Variants in C10orf90 observed in about 807,000 individuals in gnomAD.
C10orf90 encodes chromosome 10 open reading frame 90.
In C10orf90, 56 loss-of-function variants were observed where a neutral mutation model predicts 62.5. The observed-to-expected ratio is 0.90, with a 90% CI of 0.72 to 1.12. The LOEUF (loss-of-function observed/expected upper bound fraction) is 1.12. Among genes scored for constraint, C10orf90 ranks in the 50% most tolerant of loss-of-function variants. The probability of loss-of-function intolerance (pLI) is 0.00; values close to 1 mark genes in which losing one functional copy is unlikely to be tolerated. For synonymous variants in C10orf90, 386 were observed against 340.4 expected, an observed-to-expected ratio of 1.13 and a Z score of -1.47; for missense variants, 970 against 880.4, an observed-to-expected ratio of 1.10 and a Z score of -1.29.
intron 4 of C10orf90, chr10:126,469,835 T>G (rs1860473289): frequency 2.2e-6 from 1 of 456,482 alleles, no homozygotes; most frequent in Non-Finnish European, 4.4e-6. Context: ...GGGTGTCTGT[T>G]GAACACCCAC....
chr10:126,572,345 G>A (rs187703587), intron 2 of C10orf90, among the ~76,000 whole-genome samples: 315 of 152,216 alleles, frequency 2.1e-3, no homozygotes, highest in Admixed American at 4.1e-3. Flanking sequence ...AATTTAGGGC[G>A]AGTCCACAGT....
rs1478642809 is a variant in C10orf90 at position 126,456,876 on chromosome 10, C to T, written c.2188+2164G>A. On this transcript the variant is annotated intron_variant, in intron 7 of 9. Transcript: ENST00000488181. The surrounding 1 kb of genome is among the most constrained non-coding windows in gnomAD (Gnocchi z 4.9). ...GGAGGGAGGCTGGACACGGGATTGA[C>T]CACTGAGCCTCTAGAAAGTAACCAA... Among the ~76,000 whole-genome samples the T allele has an allele frequency of 6.6e-6, 1 of 152,194 alleles. No individual in the cohort carries two copies. The highest frequency in any genetic ancestry group is 1.5e-5 in the Non-Finnish European group (1 of 68,040).
At chr10:126,584,329 C>T (rs1591120947) in intron 2 of C10orf90, among the ~76,000 whole-genome samples, 1 of 151,882 alleles carries the variant, frequency 6.6e-6, no homozygotes, top group South Asian at 2.1e-4. Flanking sequence ...TGCCTGTCTG[C>T]TTGTCCATCC....
intron 8 of C10orf90, among the ~76,000 whole-genome samples, chr10:126,428,192 T>G (rs907949392): frequency 6.6e-6 from 1 of 151,974 alleles, no homozygotes; most frequent in Admixed American, 6.6e-5. Flanking sequence ...CATAGCTATA[T>G]ATGCACAAAT....
intron 7 of C10orf90, among the ~76,000 whole-genome samples, chr10:126,445,142 C>T (rs987618602): frequency 2.6e-5 from 4 of 151,860 alleles, no homozygotes; most frequent in African/African-American, 9.7e-5. Context: ...CAAAAGCAAA[C>T]ACAATAAAAA....
At chr10:126,571,906 C>A (rs1033757795) in intron 2 of C10orf90, among the ~76,000 whole-genome samples, 2 of 152,234 alleles carry the variant, frequency 1.3e-5, no homozygotes, top group Admixed American at 1.3e-4. Flanking sequence ...GGCAGGACAC[C>A]CAGCACCTGG....
At chr10:126,518,954 T>G (rs928379092) in intron 2 of C10orf90, among the ~76,000 whole-genome samples, 6 of 152,198 alleles carry the variant, frequency 3.9e-5, no homozygotes, top group Non-Finnish European at 7.3e-5. Flanking sequence ...ATTTAGGCAG[T>G]GCTCAGGGTG....
intron 1 of C10orf90, among the ~76,000 whole-genome samples, chr10:126,654,542 T>C (rs1846354710): frequency 6.6e-6 from 1 of 152,230 alleles, no homozygotes; most frequent in Admixed American, 6.5e-5. Context: ...TGATCTGCTA[T>C]CCAGACCACT....
chr10:126,514,740 A>G (rs964605330), intron 2 of C10orf90, among the ~76,000 whole-genome samples: 5 of 152,164 alleles, frequency 3.3e-5, no homozygotes, highest in African/African-American at 1.2e-4. Context: ...ACACAGCCTT[A>G]CGCTACAGAC....
At chr10:126,576,680 T>A (rs1259887308) in intron 2 of C10orf90, among the ~76,000 whole-genome samples, 1 of 43,132 alleles carries the variant, frequency 2.3e-5, no homozygotes, top group African/African-American at 1.0e-4. Context: ...TATGTATACA[T>A]ATACATATAC....
At position 126,504,069 on chromosome 10, in the gene C10orf90, T is replaced by A. The variant is rs767797626; in HGVS notation, c.1422A>T (p.Gly474=). The A allele has an allele frequency of 5.0e-6, 8 of 1,613,982 alleles. No homozygotes were observed. Among genetic ancestry groups the A allele is most frequent in the South Asian group, 1.1e-5 (1 of 91,074 alleles). ...CTTTTCTTACAGTGACTTGGTTAGC[T>A]CCCACATTTGCCAATTCTGTGTTTT... ...PLENTELANV[G]ANQVTVRKGE... The change falls in exon 4 of 10, where the codon GGA becomes GGT. Residue 474 remains glycine (G), a synonymous_variant. Coordinates refer to ENST00000488181, the MANE Select transcript of C10orf90 (RefSeq NM_001350921.2). This position sits in a 1 kb window ranked among gnomAD's most constrained non-coding sequence, Gnocchi z 4.1.
intron 2 of C10orf90, among the ~76,000 whole-genome samples, chr10:126,530,102 A>G (rs1365054124): frequency 7.2e-5 from 11 of 152,186 alleles, no homozygotes; most frequent in Admixed American, 1.3e-4. Context: ...AATGGTGTCA[A>G]AAAAAGCCCC....
At chr10:126,508,680 G>A (rs371242050) in intron 3 of C10orf90, among the ~76,000 whole-genome samples, 4 of 152,306 alleles carry the variant, frequency 2.6e-5, no homozygotes, top group South Asian at 2.1e-4. Context: ...TGGGTCTAGC[G>A]TGGGCCGGGA....
chr10:126,469,157 G>T (rs991925536), intron 4 of C10orf90, among the ~76,000 whole-genome samples: 2 of 152,176 alleles, frequency 1.3e-5, no homozygotes, highest in East Asian at 3.9e-4. Context: ...CACACGAGCC[G>T]GGAGGGTACA....
At chr10:126,512,327 T>C (rs1651415418) in intron 3 of C10orf90, among the ~76,000 whole-genome samples, 1 of 145,704 alleles carries the variant, frequency 6.9e-6, no homozygotes, top group Admixed American at 6.8e-5. Flanking sequence ...GTGTGTGTTC[T>C]ATGTGTGTGT....
intron 7 of C10orf90, among the ~76,000 whole-genome samples, chr10:126,436,286 C>G (rs1273057842): frequency 1.3e-5 from 2 of 152,200 alleles, no homozygotes; most frequent in African/African-American, 2.4e-5. Flanking sequence ...CAAAGTGGTA[C>G]AGACTATTTT....
intron 2 of C10orf90, among the ~76,000 whole-genome samples, chr10:126,560,956 TC>T (rs1319479828): frequency 6.6e-6 from 1 of 152,204 alleles, no homozygotes; most frequent in Non-Finnish European, 1.5e-5. Context: ...GGGAACCTGA[TC>T]TTCTAGGACA....
At chr10:126,635,968 G>A (rs1170565745) in intron 2 of C10orf90, among the ~76,000 whole-genome samples, 2 of 152,162 alleles carry the variant, frequency 1.3e-5, no homozygotes, top group African/African-American at 2.4e-5. Context: ...TCCCCTCAGC[G>A]CAGAGGTCAA....
intron 2 of C10orf90, among the ~76,000 whole-genome samples, chr10:126,538,094 C>T (rs943026428): frequency 4.6e-5 from 7 of 152,114 alleles, no homozygotes; most frequent in Admixed American, 3.9e-4. Flanking sequence ...TAATGGACTC[C>T]CAGTTCCACA....
Sources: gnomAD v4.1 joint callset for allele counts (sites outside exome capture counted in the v4.1 genomes callset) on GRCh38, gnomAD v4.1.1 for gene constraint, Gnocchi (gnomAD v3.1) non-coding constraint, MANE v1.5 for transcripts, NCBI Gene and HGNC (gene_info 2026-07-23, HGNC 2026-07-21) for gene names.